ATRX: variants seen among roughly 807,000 people sequenced by gnomAD.
The protein encoded by ATRX is ATRX chromatin remodeler.
A neutral mutation model predicts 172.6 loss-of-function variants in ATRX; 12 were observed. The ratio of observed to expected loss-of-function variants is 0.07; its 90% confidence interval spans 0.04 to 0.11. ATRX has a LOEUF of 0.11. Ranked by LOEUF, ATRX falls within the 10% of genes least tolerant of loss-of-function variation. The pLI is 1.00. For missense variants in ATRX, 1,368 were observed against 1,767.4 expected, an observed-to-expected ratio of 0.77 and a Z score of 4.05; for synonymous variants, 674 against 594.7, an observed-to-expected ratio of 1.13 and a Z score of -1.94.
At chrX:77,674,478 G>C (rs1557132453) in intron 10 of ATRX, 1 of 111,050 alleles carries the variant, frequency 9.0e-6, no homozygotes, top group Non-Finnish European at 1.9e-5. Flanking sequence ...ACAAATTCAA[G>C]GTGGAATTAA....
chrX:77,626,048 T>C (rs2067827532), intron 19 of ATRX, among the ~76,000 whole-genome samples: 1 of 28,811 alleles, frequency 3.5e-5, no homozygotes, highest in Non-Finnish European at 6.9e-5. Context: ...TATATATATA[T>C]ATATATATAT....
intron 22 of ATRX, among the ~76,000 whole-genome samples, chrX:77,615,491 G>T (rs2148236484): frequency 9.0e-6 from 1 of 111,333 alleles, no homozygotes; most frequent in South Asian, 3.8e-4. Flanking sequence ...CTCTCATTGG[G>T]ATAACTATTT....
chrX:77,636,270 A>T (rs1209811516), intron 15 of ATRX, among the ~76,000 whole-genome samples: 1 of 111,642 alleles, frequency 9.0e-6, no homozygotes. Context: ...CTGGATCATG[A>T]AGGTGGATTT....
At chrX:77,520,597 T>G (rs782781873) in intron 34 of ATRX, among the ~76,000 whole-genome samples, 191 bp downstream of exon 34, 1 of 112,241 alleles carries the variant, frequency 8.9e-6, no homozygotes, top group Admixed American at 9.4e-5. Flanking sequence ...TAGGTAGCTG[T>G]TGCATTTTTG....
chrX:77,516,521 T>C (rs1232479736), intron 34 of ATRX, among the ~76,000 whole-genome samples: 1 of 111,762 alleles, frequency 8.9e-6, no homozygotes, highest in African/African-American at 3.3e-5. Context: ...AAGGGGTCAA[T>C]TCAGCAACAA....
At chrX:77,520,101 A>G (rs2063178964) in intron 34 of ATRX, among the ~76,000 whole-genome samples, 1 of 111,927 alleles carries the variant, frequency 8.9e-6, no homozygotes, top group Admixed American at 9.5e-5. Context: ...GGAAGCTAAA[A>G]ACTAAAACAA....
Position 77,739,545 on chromosome X carries a change from T to C in ATRX, c.21-22302A>G, listed in dbSNP as rs782781566. On this transcript the variant is annotated intron_variant, in intron 1 of 34. Transcript: ENST00000373344. The stretch of plus-strand genomic sequence containing the variant: ...CACTGTGCTTACCACACTATCCAAA[T>C]AAGTACAGCAACTAAACATAGGGTG... Among the ~76,000 whole-genome samples the C allele has an allele frequency of 1.0e-4, 11 of 110,443 alleles. No individual in the cohort carries two copies. The South Asian group carries it at 1.5e-3, about 15-fold the overall frequency.
At chrX:77,721,337 C>G (rs993058078) in intron 1 of ATRX, among the ~76,000 whole-genome samples, 1 of 111,288 alleles carries the variant, frequency 9.0e-6, no homozygotes, top group Non-Finnish European at 1.9e-5. Context: ...GGCATTTAGG[C>G]AACAGAAAGA....
chrX:77,532,436 A>C (rs563215645), intron 30 of ATRX, among the ~76,000 whole-genome samples: 3 of 111,791 alleles, frequency 2.7e-5, no homozygotes, highest in African/African-American at 6.5e-5. Context: ...GTACAAAAAC[A>C]GACACATCGA....
intron 15 of ATRX, among the ~76,000 whole-genome samples, chrX:77,643,098 A>G (rs1014806624): frequency 3.6e-5 from 4 of 112,115 alleles, no homozygotes; most frequent in Non-Finnish European, 5.6e-5. Flanking sequence ...GTTTCCCAGT[A>G]TCCTCCCACA....
Position 77,633,231 on chromosome X carries a change from A to G in ATRX, c.5110T>C (p.Phe1704Leu). ...NVKSRKLKEI[F>L]NKALVDPGPD... ...CCTGGATCAACCAAAGCTTTGTTAAATATTTCTTTAAGTTTCCGACTCTTC... is the reference window on the plus strand; with the variant it reads ...CCTGGATCAACCAAAGCTTTGTTAAGTATTTCTTTAAGTTTCCGACTCTTC... The change falls in exon 19 of 35, where the codon TTT becomes CTT. Residue 1704 changes from phenylalanine (F) to leucine (L), a missense_variant. By Grantham distance (22) the Phe-to-Leu change is conservative (BLOSUM62 0). Coordinates refer to ENST00000373344, the MANE Select transcript of ATRX (RefSeq NM_000489.6). 8.3e-7 allele frequency: 1 copy of G among 1,210,896 alleles called. No individual in the cohort carries two copies. Among genetic ancestry groups the G allele is most frequent in the Non-Finnish European group, 1.1e-6 (1 of 894,808 alleles).
chrX:77,725,207 C>T (rs1457170602), intron 1 of ATRX, among the ~76,000 whole-genome samples: 1 of 111,544 alleles, frequency 9.0e-6, no homozygotes, highest in Non-Finnish European at 1.9e-5. Context: ...CATCACGCTA[C>T]CTGACTTCAA....
intron 30 of ATRX, among the ~76,000 whole-genome samples, chrX:77,542,240 C>T (rs891118096): frequency 1.3e-4 from 14 of 111,325 alleles, no homozygotes; most frequent in African/African-American, 4.6e-4. Flanking sequence ...AATAAAATAC[C>T]TAGGAATACA....
chrX:77,664,722 T>A lies in ATRX; in HGVS notation c.3866A>T (p.Asp1289Val), dbSNP rs2070140059. 8.3e-7 allele frequency: 1 copy of A among 1,208,083 alleles called. No homozygotes were observed. The highest frequency in any genetic ancestry group is 1.1e-6 in the Non-Finnish European group (1 of 892,407). Reference sequence around the variant, plus strand: ...TTCTGGCTCATCATCTGAAGATCCATCCTCATCAGAGGAAAGATTGGCTTT... The same window carrying A: ...TTCTGGCTCATCATCTGAAGATCCAACCTCATCAGAGGAAAGATTGGCTTT... The part of the protein sequence containing the change: ...EIKANLSSDE[D>V]GSSDDEPEEG... Residue 1289 changes from aspartate (D) to valine (V), a missense_variant, in exon 11 of 35, where the codon GAT becomes GTT. By Grantham distance (152) the Asp-to-Val change is radical. Around this residue, in one of 17 missense-constraint regions of ATRX, gnomAD observed 119 missense variants for 131.3 expected, o/e 0.91. Coordinates refer to ENST00000373344, the MANE Select transcript of ATRX (RefSeq NM_000489.6).
chrX:77,676,010 A>C, intron 10 of ATRX: 1 of 330,318 alleles, frequency 3.0e-6, no homozygotes, highest in Admixed American at 4.6e-5. Flanking sequence ...ACCCTATGCT[A>C]GGTGTGTAAA....
chrX:77,685,134 G>C (rs1645533241), intron 7 of ATRX, 128 bp from the exon 8 acceptor site: 2 of 524,622 alleles, frequency 3.8e-6, no homozygotes, highest in Non-Finnish European at 6.4e-6. Flanking sequence ...TGTGGGCAAA[G>C]ATTTATTGAG....
rs782314786 is a variant in ATRX, at chrX:77,683,156, C to T, written c.2100G>A (p.Lys700=). The change falls in exon 9 of 35, where the codon AAG becomes AAA. Residue 700 remains lysine, a synonymous_variant. Coordinates refer to ENST00000373344, the MANE Select transcript of ATRX (RefSeq NM_000489.6). ...KLSVPVRKKD[K]RNSSDSAIDN... is the part of the protein sequence containing the mutation. ...CTATAGCACTGTCAGAAGAATTACG[C>T]TTATCCTTTTTTCTCACTGGAACTG... is the stretch of plus-strand genomic sequence containing the variant. 1.7e-6 allele frequency: 2 copies of T among 1,208,502 alleles called. No individual in the cohort carries two copies. Among genetic ancestry groups the T allele is most frequent in the East Asian group, 3.0e-5 (1 of 33,772 alleles).
chrX:77,676,024 T>C (rs1352815326), intron 10 of ATRX: 1 of 349,995 alleles, frequency 2.9e-6, no homozygotes, highest in Non-Finnish European at 5.1e-6. Context: ...GTGTAAATAA[T>C]GATATTACTT....
At chrX:77,512,552 C>G (rs1336539246) in intron 34 of ATRX, among the ~76,000 whole-genome samples, 2 of 112,449 alleles carry the variant, frequency 1.8e-5, no homozygotes, top group African/African-American at 3.2e-5. Flanking sequence ...AACAAACATA[C>G]AACAGATAAA....
Sources: gnomAD v4.1 joint callset for allele counts (sites outside exome capture counted in the v4.1 genomes callset) on GRCh38, gnomAD v4.1.1 for gene constraint, gnomAD v4.1.1 regional missense constraint, MANE v1.5 for transcripts, NCBI Gene and HGNC (gene_info 2026-07-23, HGNC 2026-07-21) for gene names.